The following SORCS1 variants were observed in gnomAD, a reference collection of about 807,000 sequenced individuals.
SORCS1 encodes the protein sortilin related VPS10 domain containing receptor 1, also known as VPS10 domain-containing receptor SorCS1.
SORCS1 carries 60 observed loss-of-function variants against 146.1 expected under a neutral mutation model. That is an observed-to-expected ratio of 0.41 (90% CI 0.33 to 0.51). The LOEUF is 0.51. Ranked by LOEUF, SORCS1 falls within the 20% of genes least tolerant of loss-of-function variation. SORCS1 has a pLI of 0.21. For synonymous variants in SORCS1, 637 were observed against 584.0 expected (o/e 1.09, Z -1.31); for missense variants, 1,352 against 1,487.6 (o/e 0.91, Z 1.50).
chr10:106,697,140 T>C (rs1205595380), intron 9 of SORCS1, among the ~76,000 whole-genome samples: 1 of 152,082 alleles, frequency 6.6e-6, no homozygotes, highest in Non-Finnish European at 1.5e-5. Flanking sequence ...ATAATCTATT[T>C]ACAAATGAAA....
Position 106,651,044 on chromosome 10 carries a change from A to G in SORCS1, c.2475+1338T>C, listed in dbSNP as rs534829913. 3.8e-4 allele frequency among the ~76,000 whole-genome samples: 58 copies of G among 152,288 alleles called. 1 individual carries two copies. The highest frequency in any genetic ancestry group is 3.9e-4 in the Admixed American group (6 of 15,302). On this transcript the variant is annotated intron_variant, in intron 18 of 25. Transcript: ENST00000263054. ...ATTGGCCTGTGTTTTTCTAGTTCCA[A>G]CTGAAGAATTTTTGGGCATCTTAGT...
At chr10:106,677,551 A>G (rs1316296208) in intron 12 of SORCS1, 147 bp from the exon 13 acceptor site, 10 of 652,820 alleles carry the variant, frequency 1.5e-5, no homozygotes, top group Non-Finnish European at 2.4e-5. Context: ...GCTATAGAAC[A>G]GTTCTTCCCA....
chr10:107,040,942 G>A (rs1251646900), intron 1 of SORCS1, among the ~76,000 whole-genome samples: 3 of 152,032 alleles, frequency 2.0e-5, no homozygotes, highest in African/African-American at 7.2e-5. Flanking sequence ...CATGTAAAAC[G>A]CTGTTAATAT....
chr10:106,675,019 G>T, intron 14 of SORCS1, 30 bp downstream of exon 14: 1 of 1,538,648 alleles, frequency 6.5e-7, no homozygotes, highest in Non-Finnish European at 9.0e-7. Context: ...TTTCTATGAA[G>T]GCTGGACCAC....
At chr10:106,842,420 G>T (rs558106819) in intron 2 of SORCS1, among the ~76,000 whole-genome samples, 31 of 152,124 alleles carry the variant, frequency 2.0e-4, no homozygotes, top group African/African-American at 7.0e-4. Context: ...TTTTAGTAGA[G>T]ACAGGGTTTC....
At chr10:106,994,060 T>TC (rs1227672853) in intron 1 of SORCS1, among the ~76,000 whole-genome samples, 2 of 59,360 alleles carry the variant, frequency 3.4e-5, no homozygotes, top group African/African-American at 3.3e-4. Flanking sequence ...CAAGACCCCA[T>TC]CTCAAAAAAA....
chr10:106,978,064 C>T (rs1956106190), intron 1 of SORCS1, among the ~76,000 whole-genome samples: 1 of 152,182 alleles, frequency 6.6e-6, no homozygotes, highest in African/African-American at 2.4e-5. Flanking sequence ...CTGCCTCAGC[C>T]TCCTGAGTAG....
At chr10:106,692,908 T>C (rs980760567) in intron 9 of SORCS1, among the ~76,000 whole-genome samples, 1 of 151,924 alleles carries the variant, frequency 6.6e-6, no homozygotes, top group Non-Finnish European at 1.5e-5. Context: ...TATAAATGTA[T>C]TAAATTATTA....
chr10:106,612,726 G>A lies in SORCS1; in HGVS notation c.2921-703C>T, dbSNP rs143240752. Among the ~76,000 whole-genome samples the A allele has an allele frequency of 1.7e-3, 259 of 152,188 alleles. 1 individual carries two copies. Among genetic ancestry groups the A allele is most frequent in the African/African-American group, 5.9e-3 (245 of 41,520 alleles). On this transcript the variant is annotated intron_variant, in intron 21 of 25. Transcript: ENST00000263054. ...GGTTGCCAGCAGGCTCTAAGAGCCC[G>A]TAGCCCCTTATTTTCTAAACCAAAC...
intron 18 of SORCS1, among the ~76,000 whole-genome samples, chr10:106,641,488 T>C (rs1232551252): frequency 1.3e-5 from 2 of 152,188 alleles, no homozygotes; most frequent in East Asian, 3.9e-4. Context: ...GGACATGCAT[T>C]CTAATGCATG....
intron 1 of SORCS1, among the ~76,000 whole-genome samples, chr10:107,159,169 A>G (rs1969523098): frequency 6.6e-6 from 1 of 152,208 alleles, no homozygotes; most frequent in Non-Finnish European, 1.5e-5. Context: ...ACAGATATGC[A>G]TATGAACTGA....
intron 2 of SORCS1, among the ~76,000 whole-genome samples, chr10:106,936,236 CA>C (rs1299417597): frequency 6.6e-6 from 1 of 152,184 alleles, no homozygotes; most frequent in African/African-American, 2.4e-5. Context: ...TTTCCATTTA[CA>C]TCCTGACTGG....
intron 1 of SORCS1, among the ~76,000 whole-genome samples, chr10:106,995,198 C>A (rs2139541537): frequency 6.6e-6 from 1 of 151,880 alleles, no homozygotes; most frequent in Middle Eastern, 3.4e-3. Flanking sequence ...CCTGTAGTCC[C>A]AGCTACTCGG....
At chr10:107,013,763 G>T (rs113404610) in intron 1 of SORCS1, among the ~76,000 whole-genome samples, 5 of 152,154 alleles carry the variant, frequency 3.3e-5, no homozygotes, top group African/African-American at 9.7e-5. Flanking sequence ...CTGCCAGCGT[G>T]TCTGACCTCC....
At chr10:106,608,448 G>A (rs1293731741) in intron 22 of SORCS1, among the ~76,000 whole-genome samples, 1 of 152,034 alleles carries the variant, frequency 6.6e-6, no homozygotes, top group Non-Finnish European at 1.5e-5. Context: ...CCACTGTGCT[G>A]CATTTTTTTT....
intron 1 of SORCS1, among the ~76,000 whole-genome samples, chr10:107,119,335 C>T (rs1285326647): frequency 6.6e-6 from 1 of 152,194 alleles, no homozygotes; most frequent in Non-Finnish European, 1.5e-5. Flanking sequence ...TTGTACATTT[C>T]ATGCACTCAG....
At chr10:106,760,215 T>TG (rs942845095) in intron 5 of SORCS1, among the ~76,000 whole-genome samples, 1 of 150,666 alleles carries the variant, frequency 6.6e-6, no homozygotes, top group African/African-American at 2.4e-5. Flanking sequence ...GAGGCCGAGG[T>TG]GGGGGGATCT....
chr10:106,949,984 C>T (rs1262487647), intron 2 of SORCS1, among the ~76,000 whole-genome samples: 1 of 152,194 alleles, frequency 6.6e-6, no homozygotes, highest in Non-Finnish European at 1.5e-5. Context: ...CTCAGAAGTA[C>T]CATATTCTAG....
chr10:106,913,148 C>T (rs1444263929), intron 2 of SORCS1, among the ~76,000 whole-genome samples: 2 of 151,568 alleles, frequency 1.3e-5, no homozygotes. Context: ...CCTAAACAAA[C>T]TCCTCCATGT....
Sources: allele counts gnomAD v4.1 joint callset (sites outside exome capture counted in the v4.1 genomes callset), GRCh38; gene constraint gnomAD v4.1.1; transcripts MANE v1.5; gene names NCBI Gene and HGNC (gene_info 2026-07-23, HGNC 2026-07-21).